WDR64: variants seen among roughly 807,000 people sequenced by gnomAD.
WDR64 encodes the protein WD repeat-containing protein 64.
Under a neutral mutation model 139.3 loss-of-function variants are expected in WDR64, and 112 were observed. The ratio of observed to expected loss-of-function variants is 0.80; its 90% CI spans 0.69 to 0.94. The LOEUF is 0.94. Ranked by LOEUF, WDR64 falls within the 40% of genes least tolerant of loss-of-function variation. WDR64 has a pLI of 0.00. For synonymous variants in WDR64, 444 were observed against 437.7 expected, an observed-to-expected ratio of 1.01 and a Z score of -0.18; for missense variants, 1,206 against 1,293.1, an observed-to-expected ratio of 0.93 and a Z score of 1.03.
intron 16 of WDR64, 97 bp downstream of exon 16, chr1:241,766,448 G>C: frequency 2.8e-6 from 4 of 1,405,376 alleles, no homozygotes; most frequent in Non-Finnish European, 3.8e-6. Context: ...CGGTGGCTCA[G>C]GTCTGTAAAC....
intron 15 of WDR64, among the ~76,000 whole-genome samples, chr1:241,762,062 T>C (rs1365431404): frequency 6.6e-6 from 1 of 152,224 alleles, no homozygotes; most frequent in Non-Finnish European, 1.5e-5. Flanking sequence ...GTGAATTCTT[T>C]CTGGAAAGTT....
chr1:241,735,531 C>CCCTTTTTTTTTT (rs1296893731), intron 10 of WDR64, among the ~76,000 whole-genome samples: 50 of 96,812 alleles, frequency 5.2e-4, no homozygotes, highest in African/African-American at 2.0e-3. Flanking sequence ...CTCTCTCTCT[C>CCCTTTTTTTTTT]TCTTTTTTTT....
intron 3 of WDR64, among the ~76,000 whole-genome samples, chr1:241,671,881 A>G (rs1439884853): frequency 6.6e-6 from 1 of 152,192 alleles, no homozygotes; most frequent in African/African-American, 2.4e-5. Flanking sequence ...CTCTTAAAAA[A>G]GTACCGGGAG....
At chr1:241,664,569 C>T (rs1665958113) in intron 2 of WDR64, among the ~76,000 whole-genome samples, 1 of 124,884 alleles carries the variant, frequency 8.0e-6, no homozygotes, top group Non-Finnish European at 1.8e-5. Flanking sequence ...GAATGAAATA[C>T]TAAAGTAAAT....
intron 8 of WDR64, among the ~76,000 whole-genome samples, chr1:241,689,178 C>T (rs1667118834): frequency 6.6e-6 from 1 of 152,110 alleles, no homozygotes; most frequent in Admixed American, 6.6e-5. Context: ...CACCTTCCCC[C>T]ACAGCTTACT....
intron 24 of WDR64, among the ~76,000 whole-genome samples, chr1:241,789,624 G>A (rs1659155156): frequency 6.6e-6 from 1 of 152,178 alleles, no homozygotes; most frequent in Admixed American, 6.5e-5. Context: ...AACTAATGCA[G>A]GAACAGAAAA....
chr1:241,682,214 G>C (rs1666828269), intron 6 of WDR64, among the ~76,000 whole-genome samples: 1 of 152,168 alleles, frequency 6.6e-6, no homozygotes, highest in Non-Finnish European at 1.5e-5. Flanking sequence ...CCAATGTCTA[G>C]AAAGGTTTTT....
chr1:241,733,922 C>G (rs769539687), intron 10 of WDR64, among the ~76,000 whole-genome samples: 6 of 152,114 alleles, frequency 3.9e-5, no homozygotes, highest in Non-Finnish European at 7.3e-5. Context: ...GTCATAAGAA[C>G]ACTGACAACC....
At chr1:241,717,992 T>C (rs1668467111) in intron 9 of WDR64, among the ~76,000 whole-genome samples, 1 of 152,196 alleles carries the variant, frequency 6.6e-6, no homozygotes, top group Non-Finnish European at 1.5e-5. Context: ...ATCCTCATTT[T>C]ATAGGTAAGA....
In WDR64 at chr1:241,699,731, G is replaced by T. The variant is rs1045247192; in HGVS notation, c.975-12071G>T. 3.9e-5 allele frequency among the ~76,000 whole-genome samples: 6 copies of T among 152,154 alleles called. No individual in the cohort carries two copies. In the East Asian group the frequency reaches 9.6e-4, roughly 24 times the overall value. ...CAGAAGTGGTATTCACAAAGATATG[G>T]AAGAGAAAGAGAAGATGGTGAGTTC... On this transcript the variant is annotated intron_variant, in intron 8 of 27. Coordinates refer to ENST00000437684, the MANE Select transcript of WDR64 (RefSeq NM_001367482.1).
chr1:241,780,525 C>T lies in WDR64; in HGVS notation c.2595+463C>T, dbSNP rs114925581. Reference sequence around the variant, plus strand: ...TTATTCTATTTTTTAAAATATTATACCAAGGAACAGCTATTTTAGCATAGC... The same window carrying T: ...TTATTCTATTTTTTAAAATATTATATCAAGGAACAGCTATTTTAGCATAGC... On this transcript the variant is annotated intron_variant, in intron 22 of 27. Transcript: ENST00000437684. Among the ~76,000 whole-genome samples the T allele has an allele frequency of 4.7e-3, 721 of 152,082 alleles. 4 individuals carry two copies. Among genetic ancestry groups the T allele is most frequent in the African/African-American group, 0.017 (700 of 41,502 alleles).
chr1:241,734,244 A>G (rs1174068811), intron 10 of WDR64, among the ~76,000 whole-genome samples: 1 of 152,104 alleles, frequency 6.6e-6, no homozygotes, highest in East Asian at 1.9e-4. Context: ...TGTACATCTT[A>G]CATATATTAA....
At position 241,683,517 on chromosome 1, in the gene WDR64, C is replaced by T; in HGVS notation, c.655C>T (p.His219Tyr). The T allele has an allele frequency of 6.4e-7, 1 of 1,551,636 alleles. No homozygotes were observed. The highest frequency in any genetic ancestry group is 8.7e-7 in the Non-Finnish European group (1 of 1,146,954). ...TTATTTTGTCATAAAACCAATGGAT[C>T]ACTGCCTCCTGTGTGTGTGTGTGGT... ...ENYFVIKPMD[H>Y]CLLCVCVVPL... The change falls in exon 7 of 28, where the codon CAC (histidine) becomes TAC (tyrosine). Residue 219 changes from histidine to tyrosine, a missense_variant. Coordinates refer to ENST00000437684, the MANE Select transcript of WDR64 (RefSeq NM_001367482.1).
At chr1:241,745,251 T>C (rs1235711019) in intron 13 of WDR64, among the ~76,000 whole-genome samples, 1 of 151,600 alleles carries the variant, frequency 6.6e-6, no homozygotes, top group African/African-American at 2.4e-5. Flanking sequence ...GTGAGCATCC[T>C]GATGTGTGAA....
chr1:241,663,953 G>GTAT (rs1453425228), intron 2 of WDR64, among the ~76,000 whole-genome samples: 1 of 151,868 alleles, frequency 6.6e-6, no homozygotes, highest in Non-Finnish European at 1.5e-5. Flanking sequence ...TTTTTTTCTA[G>GTAT]ATATACTGAT....
intron 24 of WDR64, among the ~76,000 whole-genome samples, chr1:241,789,274 T>C (rs1408473935): frequency 6.6e-6 from 1 of 152,184 alleles, no homozygotes; most frequent in Non-Finnish European, 1.5e-5. Flanking sequence ...TGTAGCAAAA[T>C]GGGCCTTCTT....
intron 8 of WDR64, among the ~76,000 whole-genome samples, chr1:241,707,114 C>T (rs566507320): frequency 6.6e-5 from 10 of 152,300 alleles, no homozygotes; most frequent in Admixed American, 6.5e-5. Flanking sequence ...AGCTAGTTTA[C>T]CTGCCTGGCT....
chr1:241,700,498 C>A (rs1339852070), intron 8 of WDR64, among the ~76,000 whole-genome samples: 1 of 152,110 alleles, frequency 6.6e-6, no homozygotes, highest in Admixed American at 6.5e-5. Context: ...ATACAAATAT[C>A]TAGAGGAAGA....
chr1:241,766,151 C>T (rs1658155674), intron 15 of WDR64, 67 bp from the exon 16 acceptor site: 1 of 1,515,660 alleles, frequency 6.6e-7, no homozygotes, highest in Non-Finnish European at 9.0e-7. Context: ...ACAAAGTGTA[C>T]ACATGGCGTT....
Sources: allele counts gnomAD v4.1 joint callset (sites outside exome capture counted in the v4.1 genomes callset), GRCh38; gene constraint gnomAD v4.1.1; transcripts MANE v1.5; gene names NCBI Gene and HGNC (gene_info 2026-07-23, HGNC 2026-07-21).